PHF8: variants seen among roughly 807,000 people sequenced by gnomAD.
The protein encoded by PHF8 is PHD finger protein 8.
PHF8 carries 9 observed loss-of-function variants against 74.4 expected under a neutral mutation model. The ratio of observed to expected loss-of-function variants is 0.12; its 90% CI spans 0.07 to 0.21. The LOEUF is 0.21. Among genes scored for constraint, PHF8 ranks in the 10% least tolerant of loss-of-function variants. PHF8 has a pLI of 1.00. For missense variants in PHF8, 478 were observed against 816.6 expected, an observed-to-expected ratio of 0.59 and a Z score of 5.05; for synonymous variants, 311 against 316.6, an observed-to-expected ratio of 0.98 and a Z score of 0.19.
At chrX:54,048,286 C>T (rs1430311836), upstream of PHF8, among the ~76,000 whole-genome samples, 1 of 110,916 alleles carries the variant, frequency 9.0e-6, no homozygotes, top group Non-Finnish European at 1.9e-5. Flanking sequence ...AATTAGAGAC[C>T]CTGTGTGTAC....
intron 3 of PHF8, 122 bp from the exon 4 acceptor site, chrX:54,022,489 A>C: frequency 1.8e-6 from 1 of 560,156 alleles, no homozygotes; most frequent in Non-Finnish European, 3.2e-6. Flanking sequence ...TCTGGAGTCA[A>C]TGAGGCCCTC....
chrX:53,992,481 G>A (rs2065681633), intron 14 of PHF8, among the ~76,000 whole-genome samples: 1 of 111,944 alleles, frequency 8.9e-6, no homozygotes, highest in Non-Finnish European at 1.9e-5. Flanking sequence ...CCAATGACTT[G>A]CTGAAGTTTC....
At chrX:53,998,381 G>A (rs2149846032) in intron 11 of PHF8, among the ~76,000 whole-genome samples, 1 of 111,632 alleles carries the variant, frequency 9.0e-6, no homozygotes, top group African/African-American at 3.3e-5. Flanking sequence ...TTGAACCTGG[G>A]AGGCAGAGGC....
chrX:53,976,801 C>T (rs2065385971), intron 18 of PHF8, among the ~76,000 whole-genome samples: 1 of 109,900 alleles, frequency 9.1e-6, no homozygotes, highest in East Asian at 2.8e-4. Context: ...CACTAAAGAC[C>T]CCATAGACAT....
intron 10 of PHF8, among the ~76,000 whole-genome samples, chrX:54,001,098 C>T (rs1264482019): frequency 1.8e-5 from 2 of 111,651 alleles, no homozygotes; most frequent in Non-Finnish European, 3.8e-5. Flanking sequence ...GAGACTGAGG[C>T]GGGCGGATCA....
chrX:53,958,481 G>A (rs1557089505), intron 19 of PHF8, among the ~76,000 whole-genome samples: 1 of 107,393 alleles, frequency 9.3e-6, no homozygotes, highest in East Asian at 3.0e-4. Context: ...TCTCTGAGAA[G>A]ATAAATGAAA....
chrX:54,022,765 G>A lies in PHF8; in HGVS notation c.177C>T (p.Pro59=). The change falls in exon 3 of 22, where the codon CCC becomes CCT. Residue 59 remains proline (P), a synonymous_variant. Coordinates refer to ENST00000338154, the MANE Select transcript of PHF8 (RefSeq NM_015107.3). ...HCPNCEVLHG[P]SIMKKRRGSS... ...ACCCTAAGATCTACTTACTAATGGAGGGCCCATGCAAGACTTCACAGTTGG... is the reference window on the plus strand; with the variant it reads ...ACCCTAAGATCTACTTACTAATGGAAGGCCCATGCAAGACTTCACAGTTGG... The A allele has an allele frequency of 8.6e-7, 1 of 1,158,359 alleles. No individual in the cohort carries two copies. Among genetic ancestry groups the A allele is most frequent in the South Asian group, 1.8e-5 (1 of 55,576 alleles).
chrX:53,992,901 A>C (rs2065689520), intron 13 of PHF8, 62 bp from the exon 14 acceptor site: 1 of 766,102 alleles, frequency 1.3e-6, no homozygotes, highest in Non-Finnish European at 2.0e-6. Context: ...CACGATGGCA[A>C]GTTCCCTCTG....
At chrX:54,041,150 C>T (rs1301752366) in intron 2 of PHF8, among the ~76,000 whole-genome samples, 4 of 110,215 alleles carry the variant, frequency 3.6e-5, no homozygotes, top group African/African-American at 6.6e-5. Context: ...GAGGCTGAGG[C>T]GGGCGGATCG....
chrX:54,035,880 G>C (rs1255573374), intron 2 of PHF8, among the ~76,000 whole-genome samples: 1 of 110,667 alleles, frequency 9.0e-6, no homozygotes, highest in Non-Finnish European at 1.9e-5. Context: ...GGGAGGCCGA[G>C]GCAGGCGGAT....
In PHF8 at chrX:53,936,837, A is replaced by G. The variant is rs1812916360; in HGVS notation, c.*2321T>C. 1.8e-5 allele frequency: 2 copies of G among 112,281 alleles called. No individual in the cohort carries two copies. Among genetic ancestry groups the G allele is most frequent in the African/African-American group, 6.5e-5 (2 of 30,810 alleles). The allele number at this position is 112,281 out of a possible 1,213,427, so 9.3% of individuals were successfully genotyped here. On this transcript the variant is annotated 3_prime_UTR_variant, in exon 22 of 22. Transcript: ENST00000338154. ...CCTATTTATAAAAAGGCCCTGCATC[A>G]GAAATTCACAATCCTACCCACTTCT...
At chrX:54,019,787 C>CAAAAAAAAAAAAAAAA (rs781792263) in intron 4 of PHF8, among the ~76,000 whole-genome samples, 1 of 27,722 alleles carries the variant, frequency 3.6e-5, no homozygotes, top group Non-Finnish European at 6.7e-5. Flanking sequence ...GACACCGCCT[C>CAAAAAAAAAAAAAAAA]AAAAAAAAAA....
In PHF8 at chrX:53,976,213, G is replaced by C. The variant is rs782205210; in HGVS notation, c.2443+8701C>G. On this transcript the variant is annotated intron_variant, in intron 18 of 21. Coordinates refer to ENST00000338154, the MANE Select transcript of PHF8 (RefSeq NM_015107.3). ...CCAGCTACTCGGGAGGCTGAGGCAG[G>C]AGAACCACTTGAACCTGGGAGGTGG... is the stretch of plus-strand genomic sequence containing the variant. Among the ~76,000 whole-genome samples, 3 of 109,909 alleles carry C rather than the reference G, an allele frequency of 2.7e-5. No individual in the cohort carries two copies. The South Asian group carries it at 1.2e-3, about 43-fold the overall frequency.
At chrX:53,981,288 A>G (rs1052127971) in intron 18 of PHF8, among the ~76,000 whole-genome samples, 2 of 112,418 alleles carry the variant, frequency 1.8e-5, no homozygotes, top group Admixed American at 9.5e-5. Context: ...ACCAGTTCAA[A>G]AACAATTTTC....
At chrX:53,982,648 T>C (rs1234807339) in intron 18 of PHF8, among the ~76,000 whole-genome samples, 2 of 111,982 alleles carry the variant, frequency 1.8e-5, no homozygotes, top group African/African-American at 3.2e-5. Flanking sequence ...CAAATCCCCA[T>C]ATATATGGGA....
intron 19 of PHF8, among the ~76,000 whole-genome samples, chrX:53,960,784 CAT>C (rs1288847376): frequency 2.8e-5 from 3 of 109,072 alleles, no homozygotes; most frequent in South Asian, 4.1e-4. Flanking sequence ...ATTGTACACA[CAT>C]GTGATTTAAA....
intron 2 of PHF8, among the ~76,000 whole-genome samples, chrX:54,042,372 A>AG (rs58326801): frequency 0.03 from 2,221 of 74,494 alleles, 48 homozygotes; most frequent in East Asian, 0.072. Flanking sequence ...AGGAAAGAAA[A>AG]GGGGGGGGGG....
chrX:53,949,942 C>A (rs2064898012), intron 19 of PHF8, among the ~76,000 whole-genome samples: 1 of 109,318 alleles, frequency 9.1e-6, no homozygotes, highest in African/African-American at 3.3e-5. Flanking sequence ...TTATGATGGG[C>A]GACATCAGTA....
At chrX:53,984,881 C>T in intron 18 of PHF8, 33 bp downstream of exon 18, 1 of 1,126,729 alleles carries the variant, frequency 8.9e-7, no homozygotes, top group Non-Finnish European at 1.2e-6. Context: ...GAGACCCCTT[C>T]TGGCCTGAAC....
Sources: allele counts gnomAD v4.1 joint callset (sites outside exome capture counted in the v4.1 genomes callset), GRCh38; gene constraint gnomAD v4.1.1; transcripts MANE v1.5; gene names NCBI Gene and HGNC (gene_info 2026-07-23, HGNC 2026-07-21).